The following MAP10 variants were observed in gnomAD, a reference collection of about 807,000 sequenced individuals.
The protein encoded by MAP10 is microtubule associated protein 10, also known as microtubule-associated protein 10.
MAP10 carries 10 observed loss-of-function variants against 6.3 expected under a neutral mutation model. That is an observed-to-expected ratio of 1.58 (90% CI 0.98 to 2.69). MAP10 has a LOEUF of 2.69. MAP10 is among the 30% of genes most tolerant of loss of function. The pLI is 0.00. For missense variants in MAP10, 1,189 were observed against 1,086.5 expected, an observed-to-expected ratio of 1.09 and a Z score of -1.33; for synonymous variants, 459 against 429.3, an observed-to-expected ratio of 1.07 and a Z score of -0.86.
In MAP10 at chr1:232,809,037, C is replaced by T. The variant is rs938921068; in HGVS notation, c.*870C>T. On this transcript the variant is annotated 3_prime_UTR_variant, in exon 1 of 1. Coordinates refer to ENST00000418460, the MANE Select transcript of MAP10 (RefSeq NM_019090.3). ...GGTATAAATAGCCTTCAGGTGTTCT[C>T]TGAAATATTTGGAAAGGGAAACTTA... Among the ~76,000 whole-genome samples the T allele has an allele frequency of 6.6e-6, 1 of 152,056 alleles. No homozygotes were observed. Among genetic ancestry groups the T allele is most frequent in the Non-Finnish European group, 1.5e-5 (1 of 67,938 alleles).
Position 232,805,640 on chromosome 1 carries a change from T to C in MAP10, c.191T>C (p.Phe64Ser), listed in dbSNP as rs1393306561. ...GCCGTGGCCTTCCGCCTGCTGGACT[T>C]CCCCACGCTGTTGGTTTACCCTCCT... ...CPAVAFRLLD[F>S]PTLLVYPPDG... The change falls in exon 1 of 1, where the codon TTC (phenylalanine) becomes TCC (serine). Residue 64 changes from phenylalanine (F) to serine (S), a missense_variant. Transcript: ENST00000418460. 1.9e-6 allele frequency: 3 copies of C among 1,583,220 alleles called. No individual in the cohort carries two copies. The highest frequency in any genetic ancestry group is 1.7e-4 in the Middle Eastern group (1 of 6,010).
Position 232,807,725 on chromosome 1 carries a change from G to A in MAP10, c.2276G>A (p.Ser759Asn). 1 of 1,613,642 alleles carries A rather than the reference G, an allele frequency of 6.2e-7. No homozygotes were observed. The highest frequency in any genetic ancestry group is 1.1e-5 in the South Asian group (1 of 91,068). The change falls in exon 1 of 1, where the codon AGT becomes AAT. Residue 759 changes from serine (S) to asparagine (N), a missense_variant. Coordinates refer to ENST00000418460, the MANE Select transcript of MAP10 (RefSeq NM_019090.3). ...VSKKKNSSDR[S>N]SILSPPFSAG... is the part of the protein sequence containing the mutation. ...AAAAAGAAAAATAGTAGTGACAGGA[G>A]TTCTATCCTTAGCCCACCTTTTTCA...
Position 232,806,492 on chromosome 1 carries a change from A to G in MAP10, c.1043A>G (p.His348Arg). 6.2e-7 allele frequency: 1 copy of G among 1,613,960 alleles called. No homozygotes were observed. The highest frequency in any genetic ancestry group is 8.5e-7 in the Non-Finnish European group (1 of 1,179,898). The change falls in exon 1 of 1, where the codon CAC (histidine) becomes CGC (arginine). Residue 348 changes from histidine (H) to arginine (R), a missense_variant. Physicochemically the swap from His to Arg is conservative, Grantham distance 29. Coordinates refer to ENST00000418460, the MANE Select transcript of MAP10 (RefSeq NM_019090.3). ...AAAAAGCGTGTAAATCCCCCAGCACACAGGAGTTGTCTAAAGCATCCAAGT... is the reference window on the plus strand; with the variant it reads ...AAAAAGCGTGTAAATCCCCCAGCACGCAGGAGTTGTCTAAAGCATCCAAGT... ...PEKKRVNPPAHRSCLKHPSSA... is the reference protein window; with the variant it reads ...PEKKRVNPPARRSCLKHPSSA...
At position 232,809,867 on chromosome 1, in the gene MAP10, A is replaced by T. The variant is rs1211969791; in HGVS notation, c.*1700A>T. On this transcript the variant is annotated 3_prime_UTR_variant, in exon 1 of 1. Transcript: ENST00000418460. ...ATGTTTAATGATGTGAACTGTGTAA[A>T]TTGTTTAATAGCAATTTGTCATTAC... is the stretch of plus-strand genomic sequence containing the variant. Among the ~76,000 whole-genome samples the T allele has an allele frequency of 6.6e-6, 1 of 152,080 alleles. No homozygotes were observed. Among genetic ancestry groups the T allele is most frequent in the Non-Finnish European group, 1.5e-5 (1 of 67,930 alleles).
At position 232,807,103 on chromosome 1, in the gene MAP10, A is replaced by C; in HGVS notation, c.1654A>C (p.Ser552Arg). ...TAAACTATTAAGCTCTGCAGAACAA[A>C]GTCAGAAGCCACAACTGCCTGAAGA... ...KVKLLSSAEQ[S>R]QKPQLPEDKY... Residue 552 changes from serine (S) to arginine (R), a missense_variant, in exon 1 of 1, where the codon AGT becomes CGT. Transcript: ENST00000418460. The C allele has an allele frequency of 6.2e-7, 1 of 1,611,966 alleles. No individual in the cohort carries two copies. The highest frequency in any genetic ancestry group is 8.5e-7 in the Non-Finnish European group (1 of 1,179,222).
In MAP10 at chr1:232,808,754, T is replaced by G. The variant is rs1211860099; in HGVS notation, c.*587T>G. 6.6e-6 allele frequency among the ~76,000 whole-genome samples: 1 copy of G among 152,188 alleles called. No individual in the cohort carries two copies. On this transcript the variant is annotated 3_prime_UTR_variant, in exon 1 of 1. Transcript: ENST00000418460. ...ATTTGTGTGATTACTTGATTAAAGT[T>G]TATCTTCCACTAGGCTTCAGTTGTG...
rs776416141 is a variant in MAP10, at chr1:232,807,726, T to C, written c.2277T>C (p.Ser759=). 6 of 1,613,314 alleles carry C rather than the reference T, an allele frequency of 3.7e-6. No individual in the cohort carries two copies. The African/African-American group carries it at 8.0e-5, about 22-fold the overall frequency. The change falls in exon 1 of 1, where the codon AGT becomes AGC. Residue 759 remains serine, a synonymous_variant. Transcript: ENST00000418460. The part of the protein sequence containing the change: ...VSKKKNSSDR[S]SILSPPFSAG... ...AAAAGAAAAATAGTAGTGACAGGAG[T>C]TCTATCCTTAGCCCACCTTTTTCAG...
At position 232,808,658 on chromosome 1, in the gene MAP10, C is replaced by T. The variant is rs532122004; in HGVS notation, c.*491C>T. 2.6e-5 allele frequency among the ~76,000 whole-genome samples: 4 copies of T among 152,228 alleles called. No homozygotes were observed. Among genetic ancestry groups the T allele is most frequent in the Admixed American group, 6.5e-5 (1 of 15,286 alleles). On this transcript the variant is annotated 3_prime_UTR_variant, in exon 1 of 1. Coordinates refer to ENST00000418460, the MANE Select transcript of MAP10 (RefSeq NM_019090.3). ...AGTCTTCCTTGACATATACATATCCCATATCCCCAATAGGTGAAGTTGCTT... is the reference window on the plus strand; with the variant it reads ...AGTCTTCCTTGACATATACATATCCTATATCCCCAATAGGTGAAGTTGCTT...
chr1:232,806,635 C>G lies in MAP10; in HGVS notation c.1186C>G (p.Pro396Ala). 6.2e-7 allele frequency: 1 copy of G among 1,613,892 alleles called. No individual in the cohort carries two copies. The highest frequency in any genetic ancestry group is 8.5e-7 in the Non-Finnish European group (1 of 1,179,862). The change falls in exon 1 of 1, where the codon CCT (proline) becomes GCT (alanine). Residue 396 changes from proline to alanine, a missense_variant. Transcript: ENST00000418460. ...TCGAATTAATACAATAAGGCAGTTGCCTTTGTTAAATGCTTTGTTAGTTGA... is the reference window on the plus strand; with the variant it reads ...TCGAATTAATACAATAAGGCAGTTGGCTTTGTTAAATGCTTTGTTAGTTGA... ...QNRINTIRQL[P>A]LLNALLVELS...
At position 232,805,569 on chromosome 1, in the gene MAP10, G is replaced by A. The variant is rs895421732; in HGVS notation, c.120G>A (p.Glu40=). Residue 40 remains glutamate (E), a synonymous_variant, in exon 1 of 1, where the codon GAG becomes GAA. Coordinates refer to ENST00000418460, the MANE Select transcript of MAP10 (RefSeq NM_019090.3). The stretch of plus-strand genomic sequence containing the variant: ...CAGTGGAGCAGGAGGAGGAAGAGGA[G>A]GAAAAGGAGCAGGGGGAGGCCTCGT... ...AAAVEQEEEE[E]EKEQGEASSP... 1.2e-5 allele frequency: 19 copies of A among 1,557,260 alleles called. No individual in the cohort carries two copies. The Admixed American group carries it at 3.3e-4, about 27-fold the overall frequency.
In MAP10 at chr1:232,805,976, C is replaced by G; in HGVS notation, c.527C>G (p.Ala176Gly). 1.9e-6 allele frequency: 3 copies of G among 1,613,490 alleles called. No individual in the cohort carries two copies. Among genetic ancestry groups the G allele is most frequent in the Non-Finnish European group, 2.5e-6 (3 of 1,179,830 alleles). ...GTGGGCGAGCGGACTGGGGACATTG[C>G]ACTGGCCTACCGCCTGACTGACCTG... ...NRVGERTGDIALAYRLTDLGS... is the reference protein window; with the variant it reads ...NRVGERTGDIGLAYRLTDLGS... Residue 176 changes from alanine (A) to glycine (G), a missense_variant, in exon 1 of 1, where the codon GCA becomes GGA. Coordinates refer to ENST00000418460, the MANE Select transcript of MAP10 (RefSeq NM_019090.3).
Position 232,809,008 on chromosome 1 carries a change from G to T in MAP10, c.*841G>T, listed in dbSNP as rs1666153693. Among the ~76,000 whole-genome samples, 1 of 152,016 alleles carries T rather than the reference G, an allele frequency of 6.6e-6. No individual in the cohort carries two copies. Among genetic ancestry groups the T allele is most frequent in the South Asian group, 2.1e-4 (1 of 4,818 alleles). On this transcript the variant is annotated 3_prime_UTR_variant, in exon 1 of 1. Transcript: ENST00000418460. ...TATTTGACTGTAATATTTCTGTTTT[G>T]CTTGGTATAAATAGCCTTCAGGTGT...
chr1:232,809,133 AT>A lies in MAP10; in HGVS notation c.*971del, dbSNP rs1666157284. ...TGTCATTTCAGTTTGTTCAATGGTT[AT>A]TTTTAGTGTATGGAACTTTGTTTTT... On this transcript the variant is annotated 3_prime_UTR_variant, in exon 1 of 1. Transcript: ENST00000418460. 6.6e-6 allele frequency among the ~76,000 whole-genome samples: 1 copy of A among 152,036 alleles called. No homozygotes were observed. Among genetic ancestry groups the A allele is most frequent in the Non-Finnish European group, 1.5e-5 (1 of 67,924 alleles).
Position 232,806,923 on chromosome 1 carries a change from A to G in MAP10, c.1474A>G (p.Lys492Glu), listed in dbSNP as rs1410469522. Residue 492 changes from lysine (K) to glutamate (E), a missense_variant, in exon 1 of 1, where the codon AAA (lysine) becomes GAA (glutamate). Transcript: ENST00000418460. ...SSGALHKRVP[K>E]GRLLYGLTNT... is the part of the protein sequence containing the mutation. ...TGGTGCCCTCCATAAAAGAGTTCCA[A>G]AAGGGAGGCTACTTTATGGCTTAAC... The G allele has an allele frequency of 6.2e-7, 1 of 1,607,976 alleles. No individual in the cohort carries two copies. Among genetic ancestry groups the G allele is most frequent in the Non-Finnish European group, 8.5e-7 (1 of 1,178,474 alleles).
Position 232,808,224 on chromosome 1 carries a change from T to A in MAP10, c.*57T>A, listed in dbSNP as rs1666142106. 1 of 1,139,502 alleles carries A rather than the reference T, an allele frequency of 8.8e-7. No individual in the cohort carries two copies. Among genetic ancestry groups the A allele is most frequent in the Admixed American group, 3.4e-5 (1 of 29,340 alleles). 70.6% of individuals were successfully genotyped at this position (1,139,502 alleles called of 1,614,324 possible). A position where few individuals can be genotyped will look rare whatever the true frequency, so the allele number is the denominator to read the frequency against. ...CTATGTGTACTGTTAGTGAAAAAAA[T>A]TTTAAAGCTGTTTTAGTTCATGAAT... On this transcript the variant is annotated 3_prime_UTR_variant, in exon 1 of 1. Coordinates refer to ENST00000418460, the MANE Select transcript of MAP10 (RefSeq NM_019090.3).
rs1666169569 is a variant in MAP10 at position 232,809,797 on chromosome 1, C to G, written c.*1630C>G. Among the ~76,000 whole-genome samples the G allele has an allele frequency of 6.6e-6, 1 of 151,992 alleles. No individual in the cohort carries two copies. Among genetic ancestry groups the G allele is most frequent in the Non-Finnish European group, 1.5e-5 (1 of 67,930 alleles). On this transcript the variant is annotated 3_prime_UTR_variant, in exon 1 of 1. Transcript: ENST00000418460. ...CTAAAATATAAAGCATATAGTATAACATTTCACAAAATCAAAATATTGTAA... is the reference window on the plus strand; with the variant it reads ...CTAAAATATAAAGCATATAGTATAAGATTTCACAAAATCAAAATATTGTAA...
Position 232,806,804 on chromosome 1 carries a change from G to C in MAP10, c.1355G>C (p.Arg452Pro), listed in dbSNP as rs371454812. ...TCRSEAKKDK[R>P]SVGGCEKSVS... ...CGGTCTGAAGCCAAGAAGGATAAGC[G>C]TTCTGTGGGGGGATGTGAAAAGTCA... Residue 452 changes from arginine to proline, a missense_variant, in exon 1 of 1, where the codon CGT becomes CCT. Coordinates refer to ENST00000418460, the MANE Select transcript of MAP10 (RefSeq NM_019090.3). 6.2e-6 allele frequency: 10 copies of C among 1,613,334 alleles called. No homozygotes were observed. The African/African-American group carries it at 1.1e-4, about 17-fold the overall frequency.
Position 232,805,757 on chromosome 1 carries a change from C to T in MAP10, c.308C>T (p.Thr103Ile), listed in dbSNP as rs562512608. 195 of 1,603,232 alleles carry T rather than the reference C, an allele frequency of 1.2e-4. 1 individual carries two copies. In the South Asian group the frequency reaches 1.7e-3, roughly 14 times the overall value. ...KSCLFRLQPA[T>I]LHCRLLRTPL... ...TGCCTCTTCCGCCTGCAGCCTGCTA[C>T]CCTGCACTGCCGGCTCCTGCGGACC... The change falls in exon 1 of 1, where the codon ACC becomes ATC. Residue 103 changes from threonine (T) to isoleucine (I), a missense_variant. Coordinates refer to ENST00000418460, the MANE Select transcript of MAP10 (RefSeq NM_019090.3).
At position 232,807,147 on chromosome 1, in the gene MAP10, T is replaced by G. The variant is rs773397770; in HGVS notation, c.1698T>G (p.Asp566Glu). 1 of 1,612,520 alleles carries G rather than the reference T, an allele frequency of 6.2e-7. No homozygotes were observed. Among genetic ancestry groups the G allele is most frequent in the Non-Finnish European group, 8.5e-7 (1 of 1,179,086 alleles). The stretch of plus-strand genomic sequence containing the variant: ...CTGAAGATAAGTATTTAGATTCAGA[T>G]GCATCTTTCACTGAAAATAGTGATA... ...QLPEDKYLDS[D>E]ASFTENSDTS... is the part of the protein sequence containing the mutation. Residue 566 changes from aspartate (D) to glutamate (E), a missense_variant, in exon 1 of 1, where the codon GAT becomes GAG. Coordinates refer to ENST00000418460, the MANE Select transcript of MAP10 (RefSeq NM_019090.3).
Sources: allele counts gnomAD v4.1 joint callset (sites outside exome capture counted in the v4.1 genomes callset), GRCh38; gene constraint gnomAD v4.1.1; transcripts MANE v1.5; gene names NCBI Gene and HGNC (gene_info 2026-07-23, HGNC 2026-07-21).